Variants in TMEM47 observed in about 807,000 individuals in gnomAD.
TMEM47 encodes brain cell membrane protein 1.
TMEM47 carries 3 observed loss-of-function variants against 12.4 expected under a neutral mutation model. The observed-to-expected ratio is 0.24, with a 90% CI of 0.11 to 0.63. The LOEUF (loss-of-function observed/expected upper bound fraction) is 0.63. Among genes scored for constraint, TMEM47 ranks in the 20% least tolerant of loss-of-function variants. The pLI is 0.86. For synonymous variants in TMEM47, 62 were observed against 63.3 expected (o/e 0.98, Z 0.10); for missense variants, 89 against 143.8 (o/e 0.62, Z 1.95).
At chrX:34,641,071 C>T (rs1921807760) in intron 1 of TMEM47, among the ~76,000 whole-genome samples, 1 of 93,783 alleles carries the variant, frequency 1.1e-5, no homozygotes, top group Admixed American at 1.3e-4. Context: ...TATTCCATAA[C>T]AGCATGTAGC....
intron 2 of TMEM47, among the ~76,000 whole-genome samples, chrX:34,635,933 T>C (rs1378094097): frequency 1.8e-5 from 2 of 111,388 alleles, no homozygotes; most frequent in Non-Finnish European, 3.8e-5. Context: ...AAACAATGAT[T>C]TGGAGAATAA....
intron 1 of TMEM47, among the ~76,000 whole-genome samples, chrX:34,641,132 C>G (rs1921809843): frequency 9.1e-6 from 1 of 109,701 alleles, no homozygotes; most frequent in East Asian, 2.9e-4. Context: ...TTTGAAGTCT[C>G]TAAATTTCTT....
chrX:34,636,235 T>G (rs1474929340), intron 2 of TMEM47, among the ~76,000 whole-genome samples: 1 of 111,152 alleles, frequency 9.0e-6, no homozygotes, highest in Admixed American at 9.6e-5. Context: ...TATAGGATGG[T>G]GATGAGGGCT....
At chrX:34,647,313 T>A (rs759540629) in intron 1 of TMEM47, among the ~76,000 whole-genome samples, 1 of 111,691 alleles carries the variant, frequency 9.0e-6, no homozygotes, top group East Asian at 2.8e-4. Flanking sequence ...GTACAGAGAA[T>A]AAGTAATTCA....
At chrX:34,631,795 A>C (rs1486059254) in intron 2 of TMEM47, among the ~76,000 whole-genome samples, 3 of 112,451 alleles carry the variant, frequency 2.7e-5, no homozygotes, top group Non-Finnish European at 5.6e-5. Flanking sequence ...ACAAGACATA[A>C]TGTCTTCCAC....
intron 1 of TMEM47, among the ~76,000 whole-genome samples, chrX:34,651,827 T>C: frequency 8.9e-6 from 1 of 112,320 alleles, no homozygotes; most frequent in Non-Finnish European, 1.9e-5. Context: ...ACCAAGAGCA[T>C]TGTTAAATGT....
chrX:34,632,053 T>A (rs1007726644), intron 2 of TMEM47, among the ~76,000 whole-genome samples: 13 of 111,748 alleles, frequency 1.2e-4, no homozygotes, highest in Admixed American at 2.9e-4. Flanking sequence ...CTCATTCATT[T>A]ACGTATTTTC....
intron 2 of TMEM47, among the ~76,000 whole-genome samples, chrX:34,631,952 C>A (rs1036339868): frequency 1.8e-5 from 2 of 111,556 alleles, no homozygotes; most frequent in African/African-American, 6.5e-5. Flanking sequence ...CTAAAAAATA[C>A]AGAGTACAGT....
chrX:34,635,414 AT>A (rs778554100), intron 2 of TMEM47, among the ~76,000 whole-genome samples: 124 of 111,549 alleles, frequency 1.1e-3, no homozygotes, highest in African/African-American at 3.9e-3. Context: ...TATGCACTTG[AT>A]TTCTCGTCTC....
chrX:34,635,489 G>C (rs1166099680), intron 2 of TMEM47, among the ~76,000 whole-genome samples: 1 of 111,362 alleles, frequency 9.0e-6, no homozygotes, highest in African/African-American at 3.3e-5. Flanking sequence ...GTCACAAGGA[G>C]ACCTCATGTG....
rs774408874 is a variant in TMEM47 at position 34,628,784 on chromosome X, T to G, written c.*1529A>C. 1.8e-5 allele frequency: 2 copies of G among 112,311 alleles called. No homozygotes were observed. Among genetic ancestry groups the G allele is most frequent in the African/African-American group, 6.5e-5 (2 of 30,957 alleles). The allele number at this position is 112,311 out of a possible 1,213,427, so 9.3% of individuals were successfully genotyped here. A position where few individuals can be genotyped will look rare whatever the true frequency, so the allele number is the denominator to read the frequency against. On this transcript the variant is annotated 3_prime_UTR_variant, in exon 3 of 3. Coordinates refer to ENST00000275954, the MANE Select transcript of TMEM47 (RefSeq NM_031442.4). ...TAGTGTCTTTGTTAACAAAAATAAT[T>G]ATTTATAACTTTTATATTAGAACTG... is the stretch of plus-strand genomic sequence containing the variant.
intron 2 of TMEM47, among the ~76,000 whole-genome samples, chrX:34,631,324 G>A (rs1921620502): frequency 1.8e-5 from 2 of 109,387 alleles, no homozygotes; most frequent in South Asian, 7.9e-4. Context: ...ATGTGCTTTT[G>A]ATGTTGTTGC....
chrX:34,656,777 A>AG (rs1488941728), intron 1 of TMEM47, 27 bp downstream of exon 1: 2 of 1,155,705 alleles, frequency 1.7e-6, no homozygotes, highest in African/African-American at 3.6e-5. Context: ...GGCGGGAGGC[A>AG]GGGGTCGCGG....
intron 1 of TMEM47, among the ~76,000 whole-genome samples, chrX:34,641,981 C>G (rs1282494429): frequency 8.9e-6 from 1 of 112,500 alleles, no homozygotes; most frequent in Non-Finnish European, 1.9e-5. Flanking sequence ...CTCAGCCTCT[C>G]GAGTAGCAGG....
chrX:34,628,963 C>T lies in TMEM47; in HGVS notation c.*1350G>A, dbSNP rs753167840. ...AACAGTCAGTAAGTAATTCCCTTAA[C>T]ATAAATCCATCCTAAGTGTGTGCAC... On this transcript the variant is annotated 3_prime_UTR_variant, in exon 3 of 3. Transcript: ENST00000275954. The T allele has an allele frequency of 9.0e-6, 1 of 111,644 alleles. No individual in the cohort carries two copies. The highest frequency in any genetic ancestry group is 3.3e-5 in the African/African-American group (1 of 30,713). The allele number at this position is 111,644 out of a possible 1,213,427, so 9.2% of individuals were successfully genotyped here.
rs755845118 is a variant in TMEM47 at position 34,656,961 on chromosome X, C to T, written c.69G>A (p.Gly23=). The T allele has an allele frequency of 2.1e-4, 245 of 1,185,556 alleles. 3 individuals are homozygous for T. The East Asian group carries it at 7.6e-3, about 37-fold the overall frequency. ...VSVLTPLKLV[G]LVCIFLALCL... ...ACAGCGCCAGGAAGATGCACACCAG[C>T]CCGACCAGCTTCAAGGGGGTCAGCA... Residue 23 remains glycine, a synonymous_variant, in exon 1 of 3, where the codon GGG becomes GGA. Coordinates refer to ENST00000275954, the MANE Select transcript of TMEM47 (RefSeq NM_031442.4).
chrX:34,643,288 A>G (rs189779147), intron 1 of TMEM47, among the ~76,000 whole-genome samples: 1 of 111,012 alleles, frequency 9.0e-6, no homozygotes, highest in East Asian at 2.8e-4. Flanking sequence ...TTAGACAGAT[A>G]TTTACTTACC....
chrX:34,639,241 G>C lies in TMEM47; in HGVS notation c.367+6C>G, dbSNP rs1387920265. ...ATACTCATTTGAAAGTAATGAATCT[G>C]TTTACCTGCTGCAAAAAGCATGACC... is the stretch of plus-strand genomic sequence containing the variant. On this transcript the variant is annotated splice_donor_region_variant and intron_variant, in intron 2 of 2. Coordinates refer to ENST00000275954, the MANE Select transcript of TMEM47 (RefSeq NM_031442.4). The C allele has an allele frequency of 1.0e-5, 12 of 1,181,271 alleles. No homozygotes were observed. The highest frequency in any genetic ancestry group is 1.4e-5 in the Non-Finnish European group (12 of 879,700).
intron 2 of TMEM47, among the ~76,000 whole-genome samples, chrX:34,637,163 T>A (rs1306144771): frequency 9.0e-6 from 1 of 111,603 alleles, no homozygotes; most frequent in African/African-American, 3.3e-5. Context: ...GCATTATTAT[T>A]ATAAAAATAT....
Sources: gnomAD v4.1 joint callset for allele counts (sites outside exome capture counted in the v4.1 genomes callset) on GRCh38, gnomAD v4.1.1 for gene constraint, MANE v1.5 for transcripts, NCBI Gene and HGNC (gene_info 2026-07-23, HGNC 2026-07-21) for gene names.